The following KIF26B variants were observed in gnomAD, a reference collection of about 807,000 sequenced individuals.
KIF26B encodes the protein kinesin-like protein KIF26B.
Under a neutral mutation model 151.2 loss-of-function variants are expected in KIF26B, and 63 were observed. The observed-to-expected ratio is 0.42, with a 90% CI of 0.34 to 0.51. KIF26B has a LOEUF of 0.51. Ranked by LOEUF, KIF26B falls within the 20% of genes least tolerant of loss-of-function variation. KIF26B has a pLI of 0.07. For synonymous variants in KIF26B, 1,357 were observed against 1,262.1 expected (o/e 1.08, Z -1.59); for missense variants, 2,813 against 2,913.6 (o/e 0.97, Z 0.79).
chr1:245,686,667 C>A lies in KIF26B; in HGVS notation c.3684C>A (p.Pro1228=), dbSNP rs116468848. The change falls in exon 12 of 15, where the codon CCC becomes CCA. Residue 1228 remains proline (P), a synonymous_variant. Transcript: ENST00000407071. This position sits in a 1 kb window ranked among gnomAD's most constrained non-coding sequence, Gnocchi z 5.6. ...GGGCCCTGGCCTCGGGCTCGCGGCC[C>A]GTCAGCATCATCAGCAGCATCAGCG... ...SARALASGSR[P]VSIISSISED... is the part of the protein sequence containing the mutation. 1.2e-6 allele frequency: 2 copies of A among 1,611,692 alleles called. No homozygotes were observed. Among genetic ancestry groups the A allele is most frequent in the East Asian group, 2.2e-5 (1 of 44,786 alleles).
At chr1:245,534,449 T>C (rs1461533619) in intron 4 of KIF26B, among the ~76,000 whole-genome samples, 7 of 151,926 alleles carry the variant, frequency 4.6e-5, no homozygotes, top group Non-Finnish European at 8.8e-5. Flanking sequence ...GTGTGAGCCA[T>C]CGCACCTGGC....
At chr1:245,483,800 T>A (rs1660220748) in intron 4 of KIF26B, among the ~76,000 whole-genome samples, 1 of 151,866 alleles carries the variant, frequency 6.6e-6, no homozygotes, top group African/African-American at 2.4e-5. Flanking sequence ...AGCTCTAATC[T>A]TACAGGGCGA....
chr1:245,687,319 G>A lies in KIF26B; in HGVS notation c.4336G>A (p.Glu1446Lys). The change falls in exon 12 of 15, where the codon GAG becomes AAG. Residue 1446 changes from glutamate to lysine, a missense_variant. By Grantham distance (56) the Glu-to-Lys change is moderately conservative. This residue lies in a region of KIF26B where 2,060 missense variants were observed against 2,088.6 expected (regional missense o/e 0.99). Transcript: ENST00000407071. This position sits in a 1 kb window ranked among gnomAD's most constrained non-coding sequence, Gnocchi z 4.9. ...TGAGGACCCGTGGCTGAAACGAGAAGAGGAAGTGAAAAAAGAGACGGCTCA... is the reference window on the plus strand; with the variant it reads ...TGAGGACCCGTGGCTGAAACGAGAAAAGGAAGTGAAAAAAGAGACGGCTCA... ...KFEDPWLKRE[E>K]EVKKETAHPN... 1 of 1,603,050 alleles carries A rather than the reference G, an allele frequency of 6.2e-7. No individual in the cohort carries two copies. Among genetic ancestry groups the A allele is most frequent in the Non-Finnish European group, 8.5e-7 (1 of 1,175,338 alleles).
intron 2 of KIF26B, among the ~76,000 whole-genome samples, chr1:245,269,603 T>C (rs1670812751): frequency 6.6e-6 from 1 of 151,956 alleles, no homozygotes; most frequent in African/African-American, 2.4e-5. Flanking sequence ...TAGCTGGAAT[T>C]ATAGGCGCCT....
chr1:245,289,709 AT>A (rs1287338917), intron 2 of KIF26B, among the ~76,000 whole-genome samples: 1 of 144,212 alleles, frequency 6.9e-6, no homozygotes, highest in Non-Finnish European at 1.5e-5. Context: ...AGGATTCCCA[AT>A]TTTTCTGCAG....
intron 4 of KIF26B, among the ~76,000 whole-genome samples, chr1:245,498,979 T>G (rs767290261): frequency 1.3e-5 from 2 of 152,182 alleles, no homozygotes; most frequent in Non-Finnish European, 2.9e-5. Flanking sequence ...TGGCAAGTGT[T>G]CTTTAAGAAA....
chr1:245,187,272 T>C (rs1669016213), intron 2 of KIF26B, among the ~76,000 whole-genome samples: 1 of 152,214 alleles, frequency 6.6e-6, no homozygotes, highest in Admixed American at 6.5e-5. Context: ...AGACAAATAC[T>C]GCGTGTTCTC....
chr1:245,313,018 G>C (rs972741630), intron 2 of KIF26B, among the ~76,000 whole-genome samples: 2 of 152,078 alleles, frequency 1.3e-5, no homozygotes, highest in Non-Finnish European at 2.9e-5. Flanking sequence ...AATTAGCCAG[G>C]CGTGGTGGTG....
chr1:245,345,946 T>C, intron 2 of KIF26B, among the ~76,000 whole-genome samples: 1 of 151,350 alleles, frequency 6.6e-6, no homozygotes, highest in Admixed American at 6.6e-5. Context: ...TTTTTTTTTT[T>C]TTTTGAGACA....
At chr1:245,475,119 A>C (rs1660007194) in intron 4 of KIF26B, among the ~76,000 whole-genome samples, 1 of 151,848 alleles carries the variant, frequency 6.6e-6, no homozygotes, top group African/African-American at 2.4e-5. Context: ...AAACTCTGAC[A>C]AACAGCTCTG....
chr1:245,345,393 C>T (rs1401003057), intron 2 of KIF26B, among the ~76,000 whole-genome samples: 1 of 152,208 alleles, frequency 6.6e-6, no homozygotes, highest in Non-Finnish European at 1.5e-5. Flanking sequence ...TATGCCTCTC[C>T]CAACAGGAAG....
At chr1:245,514,227 TTAAAAAA>T (rs1660900731) in intron 4 of KIF26B, among the ~76,000 whole-genome samples, 1 of 152,082 alleles carries the variant, frequency 6.6e-6, no homozygotes, top group African/African-American at 2.4e-5. Flanking sequence ...CACTTGTCAG[TTAAAAAA>T]TAAAAAATAA....
At chr1:245,478,430 A>ATTTTT (rs3068344) in intron 4 of KIF26B, among the ~76,000 whole-genome samples, 22,176 of 128,446 alleles carry the variant, frequency 0.17, 2,959 homozygotes, top group East Asian at 0.26. Flanking sequence ...TCTGACTCGC[A>ATTTTT]TTTTTTTTTT....
chr1:245,609,599 C>T (rs2043497451), intron 8 of KIF26B, 71 bp downstream of exon 8: 3 of 1,415,426 alleles, frequency 2.1e-6, no homozygotes, highest in Admixed American at 2.9e-5. Flanking sequence ...GGCAGCTCCA[C>T]CCGTGAATCA....
chr1:245,501,711 C>A (rs999317564), intron 4 of KIF26B, among the ~76,000 whole-genome samples: 2 of 152,228 alleles, frequency 1.3e-5, no homozygotes, highest in Admixed American at 1.3e-4. Flanking sequence ...CAAATGCATT[C>A]TTGCTAAGAC....
At chr1:245,373,682 C>T (rs1005824863) in intron 3 of KIF26B, among the ~76,000 whole-genome samples, 2 of 151,990 alleles carry the variant, frequency 1.3e-5, no homozygotes, top group African/African-American at 2.4e-5. Flanking sequence ...GAACACTGGC[C>T]GAAGTCATTA....
chr1:245,328,606 G>C (rs73130857), intron 2 of KIF26B, among the ~76,000 whole-genome samples: 18 of 152,264 alleles, frequency 1.2e-4, no homozygotes, highest in African/African-American at 4.3e-4. Context: ...ACTGACACTA[G>C]GCTCCTTCTA....
chr1:245,547,165 G>A (rs1325342724), intron 5 of KIF26B, among the ~76,000 whole-genome samples: 1 of 152,186 alleles, frequency 6.6e-6, no homozygotes, highest in African/African-American at 2.4e-5. Context: ...CAGACACAGG[G>A]GCTTTCTTCT....
chr1:245,464,715 A>G (rs972671327), intron 4 of KIF26B, among the ~76,000 whole-genome samples: 2 of 151,992 alleles, frequency 1.3e-5, no homozygotes, highest in Non-Finnish European at 2.9e-5. Context: ...AGCGTCTGGC[A>G]CACGGTGTTT....
Sources: allele counts gnomAD v4.1 joint callset (sites outside exome capture counted in the v4.1 genomes callset), GRCh38; gene constraint gnomAD v4.1.1; regional missense constraint gnomAD v4.1.1; non-coding constraint Gnocchi (gnomAD v3.1); transcripts MANE v1.5; gene names NCBI Gene and HGNC (gene_info 2026-07-23, HGNC 2026-07-21).